The following TCERG1L variants were observed in gnomAD, a reference collection of about 807,000 sequenced individuals.
The protein encoded by TCERG1L is transcription elongation regulator 1-like protein.
TCERG1L carries 37 observed loss-of-function variants against 56.3 expected under a neutral mutation model. The ratio of observed to expected loss-of-function variants is 0.66; its 90% CI spans 0.51 to 0.87. The LOEUF is 0.87. TCERG1L is among the 40% of genes least tolerant of loss of function. TCERG1L has a pLI of 0.00. For missense variants in TCERG1L, 799 were observed against 774.2 expected, an observed-to-expected ratio of 1.03 and a Z score of -0.38; for synonymous variants, 324 against 326.3, an observed-to-expected ratio of 0.99 and a Z score of 0.08.
intron 4 of TCERG1L, among the ~76,000 whole-genome samples, chr10:131,227,143 G>A (rs1056409668): frequency 6.6e-6 from 1 of 152,244 alleles, no homozygotes; most frequent in Non-Finnish European, 1.5e-5. Context: ...CATAGGGCAT[G>A]GCCATGGGCC....
chr10:131,097,845 A>G (rs1179895217), intron 11 of TCERG1L, among the ~76,000 whole-genome samples: 2 of 152,110 alleles, frequency 1.3e-5, no homozygotes, highest in Admixed American at 1.3e-4. Flanking sequence ...TCAAATCTTC[A>G]TTTTACTCTG....
chr10:131,245,531 G>A (rs191854501), intron 4 of TCERG1L, among the ~76,000 whole-genome samples: 177 of 152,272 alleles, frequency 1.2e-3, no homozygotes, highest in African/African-American at 4.0e-3. Context: ...CAAAACGAGG[G>A]GGCGGCTCTC....
In TCERG1L at chr10:131,212,853, C is replaced by T. The variant is rs140121381; in HGVS notation, c.857-45968G>A. The stretch of plus-strand genomic sequence containing the variant: ...TAAAACAGGACTGTGGATGCAGCTG[C>T]CCCATGTGATATGAGGTAGGAAGTG... On this transcript the variant is annotated intron_variant, in intron 4 of 11. Transcript: ENST00000368642. Among the ~76,000 whole-genome samples, 275 of 152,360 alleles carry T rather than the reference C, an allele frequency of 1.8e-3. 3 individuals carry two copies. The highest frequency in any genetic ancestry group is 5.2e-3 in the African/African-American group (218 of 41,586).
In TCERG1L at chr10:131,242,625, G is replaced by T. The variant is rs559918651; in HGVS notation, c.856+17634C>A. ...AACCAGAAGCGTTTCAGATTTCAGG[G>T]TTTTTTTCCAGCTTTGAAATACTTG... On this transcript the variant is annotated intron_variant, in intron 4 of 11. Coordinates refer to ENST00000368642, the MANE Select transcript of TCERG1L (RefSeq NM_174937.4). Among the ~76,000 whole-genome samples, 9 of 152,274 alleles carry T rather than the reference G, an allele frequency of 5.9e-5. 1 individual carries two copies. The highest frequency in any genetic ancestry group is 2.2e-4 in the African/African-American group (9 of 41,552).
chr10:131,205,062 ACCAAGCGGC>A (rs999174727), intron 4 of TCERG1L, among the ~76,000 whole-genome samples: 2 of 152,134 alleles, frequency 1.3e-5, no homozygotes, highest in Non-Finnish European at 2.9e-5. Context: ...CCTCTCCCAG[ACCAAGCGGC>A]CCATGGCATC....
chr10:131,307,816 G>A (rs142781568), intron 3 of TCERG1L, among the ~76,000 whole-genome samples: 2,078 of 152,086 alleles, frequency 0.014, 22 homozygotes, highest in Non-Finnish European at 0.021. Flanking sequence ...ATGTTCCTGC[G>A]TCCTACAGAC....
chr10:131,220,434 T>G (rs1050586331), intron 4 of TCERG1L, among the ~76,000 whole-genome samples: 35 of 152,250 alleles, frequency 2.3e-4, no homozygotes, highest in African/African-American at 8.2e-4. Context: ...TTGCTCCTCC[T>G]GGTGCCCTGA....
At chr10:131,270,847 G>A (rs1224814857) in intron 3 of TCERG1L, among the ~76,000 whole-genome samples, 3 of 152,186 alleles carry the variant, frequency 2.0e-5, no homozygotes, top group Non-Finnish European at 2.9e-5. Flanking sequence ...TGGTGCCGAC[G>A]TTCCTGTTCC....
chr10:131,309,260 G>C lies in TCERG1L; in HGVS notation c.382C>G (p.Pro128Ala), dbSNP rs766095745. 1.2e-6 allele frequency: 2 copies of C among 1,604,334 alleles called. No homozygotes were observed. ...GGHSPSLGLP[P>A]SSTVELVPVF... ...GGCACCAGCTCCACTGTGGAAGAGGGGGGCAGTCCTAGGGACGGAGAATGG... is the reference window on the plus strand; with the variant it reads ...GGCACCAGCTCCACTGTGGAAGAGGCGGGCAGTCCTAGGGACGGAGAATGG... Residue 128 changes from proline to alanine, a missense_variant, in exon 2 of 12, where the codon CCC becomes GCC. By Grantham distance (27) the Pro-to-Ala change is conservative (BLOSUM62 -1). Coordinates refer to ENST00000368642, the MANE Select transcript of TCERG1L (RefSeq NM_174937.4).
intron 3 of TCERG1L, among the ~76,000 whole-genome samples, chr10:131,272,252 A>T (rs1464302850): frequency 6.6e-6 from 1 of 152,230 alleles, no homozygotes; most frequent in African/African-American, 2.4e-5. Flanking sequence ...TCCTTGTGGA[A>T]GACCAGCGCC....
At chr10:131,231,424 T>C (rs1223143063) in intron 4 of TCERG1L, among the ~76,000 whole-genome samples, 1 of 152,022 alleles carries the variant, frequency 6.6e-6, no homozygotes, top group East Asian at 1.9e-4. Flanking sequence ...CAACCCCAGT[T>C]AGAGAGAAAT....
chr10:131,233,511 C>A (rs1013317235), intron 4 of TCERG1L, among the ~76,000 whole-genome samples: 1 of 152,090 alleles, frequency 6.6e-6, no homozygotes, highest in Middle Eastern at 3.2e-3. Context: ...CACATGCACA[C>A]ACAAAATTTG....
At chr10:131,228,125 A>T (rs1433304218) in intron 4 of TCERG1L, among the ~76,000 whole-genome samples, 1 of 115,944 alleles carries the variant, frequency 8.6e-6, no homozygotes, top group Non-Finnish European at 1.9e-5. Context: ...CGGAGTCTCC[A>T]CTCCAGACAG....
chr10:131,153,039 C>A (rs1845882482), intron 6 of TCERG1L, among the ~76,000 whole-genome samples: 1 of 152,110 alleles, frequency 6.6e-6, no homozygotes, highest in Non-Finnish European at 1.5e-5. Flanking sequence ...GGAGGGGACA[C>A]AGAGCCAAAC....
At chr10:131,159,436 T>C (rs760654711) in intron 6 of TCERG1L, among the ~76,000 whole-genome samples, 46 of 152,100 alleles carry the variant, frequency 3.0e-4, no homozygotes, top group Non-Finnish European at 6.6e-4. Context: ...TCTTAGAAAG[T>C]TCACGGCGGC....
intron 4 of TCERG1L, among the ~76,000 whole-genome samples, chr10:131,226,094 T>A (rs983656461): frequency 6.6e-6 from 1 of 152,180 alleles, no homozygotes; most frequent in African/African-American, 2.4e-5. Flanking sequence ...TGAGCCACCA[T>A]GGCTGGCTAA....
intron 9 of TCERG1L, among the ~76,000 whole-genome samples, chr10:131,106,416 C>T (rs1845352057): frequency 6.6e-6 from 1 of 152,172 alleles, no homozygotes; most frequent in Non-Finnish European, 1.5e-5. Context: ...CATGAATACT[C>T]CTCAGGGTTC....
intron 4 of TCERG1L, among the ~76,000 whole-genome samples, chr10:131,207,335 C>T (rs115150003): frequency 6.6e-6 from 1 of 152,218 alleles, no homozygotes; most frequent in South Asian, 2.1e-4. Flanking sequence ...CACGCGCAGG[C>T]CTGGTGGACA....
chr10:131,228,701 G>C (rs1402731686), intron 4 of TCERG1L, among the ~76,000 whole-genome samples: 3 of 54,164 alleles, frequency 5.5e-5, no homozygotes, highest in Admixed American at 1.5e-4. Context: ...CAAGGCCTCC[G>C]GAGTCTCCCC....
Sources: gnomAD v4.1 joint callset for allele counts (sites outside exome capture counted in the v4.1 genomes callset) on GRCh38, gnomAD v4.1.1 for gene constraint, MANE v1.5 for transcripts, NCBI Gene and HGNC (gene_info 2026-07-23, HGNC 2026-07-21) for gene names.